USP34: variants seen among roughly 807,000 people sequenced by gnomAD.
The protein encoded by USP34 is ubiquitin carboxyl-terminal hydrolase 34.
A neutral mutation model predicts 460.3 loss-of-function variants in USP34; 70 were observed. The ratio of observed to expected loss-of-function variants is 0.15; its 90% CI spans 0.13 to 0.19. The LOEUF is 0.19. Among genes scored for constraint, USP34 ranks in the 10% least tolerant of loss-of-function variants. USP34 has a pLI of 1.00. For synonymous variants in USP34, 1,647 were observed against 1,405.3 expected (o/e 1.17, Z -3.85); for missense variants, 3,985 against 4,236.2 (o/e 0.94, Z 1.65).
At chr2:61,263,062 G>A (rs1688941483) in intron 43 of USP34, among the ~76,000 whole-genome samples, 1 of 151,658 alleles carries the variant, frequency 6.6e-6, no homozygotes, top group Admixed American at 6.6e-5. Context: ...AGACTGGAAT[G>A]CAGTGGCACA....
chr2:61,280,441 C>A, intron 38 of USP34, 93 bp from the exon 39 acceptor site: 1 of 561,174 alleles, frequency 1.8e-6, no homozygotes, highest in Non-Finnish European at 2.9e-6. Context: ...GAAATAAATT[C>A]CTATATCCAC....
At chr2:61,428,330 CCTGA>C (rs1327795313) in intron 1 of USP34, among the ~76,000 whole-genome samples, 2 of 150,458 alleles carry the variant, frequency 1.3e-5, no homozygotes, top group East Asian at 1.9e-4. Context: ...AGCCATTCAT[CCTGA>C]CTTTCACGTA....
chr2:61,189,799 G>A (rs1042878108), intron 78 of USP34: 5 of 153,346 alleles, frequency 3.3e-5, no homozygotes, highest in African/African-American at 9.6e-5. Context: ...TGCATACTGT[G>A]ATTTGGGAGG....
intron 67 of USP34, among the ~76,000 whole-genome samples, chr2:61,215,193 A>C (rs1687363041): frequency 6.6e-6 from 1 of 152,238 alleles, no homozygotes; most frequent in Non-Finnish European, 1.5e-5. Context: ...ATAGATATAC[A>C]TAAAAGTTCA....
intron 1 of USP34, among the ~76,000 whole-genome samples, chr2:61,424,952 TG>T (rs1056310234): frequency 5.3e-5 from 8 of 152,210 alleles, no homozygotes; most frequent in Admixed American, 1.3e-4. Context: ...GCTGAGTAGC[TG>T]GAATTACAGG....
chr2:61,345,253 AAC>A (rs924506643), intron 15 of USP34, among the ~76,000 whole-genome samples: 19 of 151,496 alleles, frequency 1.3e-4, no homozygotes, highest in African/African-American at 4.1e-4. Context: ...CAGCCTGAAC[AAC>A]AGAGTGTGAC....
chr2:61,397,086 T>G (rs375362928), intron 3 of USP34, among the ~76,000 whole-genome samples: 3 of 152,076 alleles, frequency 2.0e-5, no homozygotes, highest in East Asian at 1.9e-4. Context: ...GAGAAGAGAA[T>G]GAAGAAAAAA....
intron 1 of USP34, among the ~76,000 whole-genome samples, chr2:61,458,079 T>C (rs747402212): frequency 3.2e-4 from 48 of 152,192 alleles, no homozygotes; most frequent in Middle Eastern, 3.4e-3. Context: ...TGTAAAACAG[T>C]AGTAACAGTT....
chr2:61,466,895 C>T (rs939284479), intron 1 of USP34, among the ~76,000 whole-genome samples: 2 of 149,066 alleles, frequency 1.3e-5, no homozygotes, highest in African/African-American at 2.5e-5. Flanking sequence ...GAGTTAGACT[C>T]CGTGTCAAAA....
At chr2:61,300,902 C>G in intron 29 of USP34, 49 bp downstream of exon 29, 1 of 1,278,596 alleles carries the variant, frequency 7.8e-7, no homozygotes, top group Non-Finnish European at 1.1e-6. Flanking sequence ...TTACTATATC[C>G]TCTCAACAGA....
chr2:61,317,669 A>G lies in USP34; in HGVS notation c.3267T>C (p.Gly1089=). 1 of 1,613,874 alleles carries G rather than the reference A, an allele frequency of 6.2e-7. No individual in the cohort carries two copies. Among genetic ancestry groups the G allele is most frequent in the South Asian group, 1.1e-5 (1 of 91,004 alleles). The part of the protein sequence containing the change: ...LARLATSAYD[G]CSNSELCGMD... Reference sequence around the variant, plus strand: ...AAATCCATACCTCAGAATTTGAACAACCATCATAGGCACTGGTAGCCAATC... The same window carrying G: ...AAATCCATACCTCAGAATTTGAACAGCCATCATAGGCACTGGTAGCCAATC... Residue 1089 remains glycine, a synonymous_variant, in exon 23 of 80, where the codon GGT becomes GGC. Coordinates refer to ENST00000398571, the MANE Select transcript of USP34 (RefSeq NM_014709.4).
Position 61,394,834 on chromosome 2 carries a change from A to T in USP34, c.753+19T>A. The T allele has an allele frequency of 6.7e-7, 1 of 1,492,824 alleles. No individual in the cohort carries two copies. Among genetic ancestry groups the T allele is most frequent in the Non-Finnish European group, 8.9e-7 (1 of 1,123,288 alleles). 92.5% of individuals were successfully genotyped at this position (1,492,824 alleles called of 1,614,324 possible). On this transcript the variant is annotated intron_variant, in intron 5 of 79. Transcript: ENST00000398571. ...AGACATTGCTCCCAAAATTAAGATC[A>T]ATTCAAAACAATACTTACATTAGAC...
chr2:61,351,305 T>C (rs975327087), intron 10 of USP34, among the ~76,000 whole-genome samples: 6 of 152,200 alleles, frequency 3.9e-5, no homozygotes, highest in Non-Finnish European at 8.8e-5. Context: ...TATATAATGC[T>C]TTTATTTTAC....
intron 62 of USP34, among the ~76,000 whole-genome samples, chr2:61,224,016 T>C (rs1165196422): frequency 6.6e-6 from 1 of 152,224 alleles, no homozygotes; most frequent in Admixed American, 6.5e-5. Context: ...TAAATCATAG[T>C]ATCTTTAACA....
intron 10 of USP34, among the ~76,000 whole-genome samples, chr2:61,357,928 C>A (rs553000710): frequency 6.6e-6 from 1 of 152,058 alleles, no homozygotes; most frequent in Admixed American, 6.5e-5. Flanking sequence ...TGGTGGCTCA[C>A]GTCTGTAATC....
intron 2 of USP34, among the ~76,000 whole-genome samples, chr2:61,411,240 G>T (rs1468750801): frequency 1.3e-5 from 2 of 151,916 alleles, no homozygotes; most frequent in East Asian, 3.9e-4. Context: ...AAGTTAGGCA[G>T]GCAAGGTGCC....
intron 25 of USP34, among the ~76,000 whole-genome samples, chr2:61,313,200 A>C (rs1380468493): frequency 6.6e-6 from 1 of 152,170 alleles, no homozygotes; most frequent in African/African-American, 2.4e-5. Context: ...TTAGCATAAA[A>C]CATGAACAAA....
At chr2:61,257,169 A>C (rs749506769) in intron 45 of USP34, 35 bp downstream of exon 45, 6 of 1,583,614 alleles carry the variant, frequency 3.8e-6, no homozygotes, top group Non-Finnish European at 5.1e-6. Flanking sequence ...ATTTGTTCAA[A>C]TTTCAAAGAA....
intron 16 of USP34, among the ~76,000 whole-genome samples, chr2:61,341,762 T>TC (rs1253151350): frequency 7.0e-6 from 1 of 142,952 alleles, no homozygotes; most frequent in Non-Finnish European, 1.5e-5. Flanking sequence ...TTTCTTTTTT[T>TC]TTTTTTTTTT....
Sources: gnomAD v4.1 joint callset for allele counts (sites outside exome capture counted in the v4.1 genomes callset) on GRCh38, gnomAD v4.1.1 for gene constraint, MANE v1.5 for transcripts, NCBI Gene and HGNC (gene_info 2026-07-23, HGNC 2026-07-21) for gene names.